PID1: variants seen among roughly 807,000 people sequenced by gnomAD.
PID1 encodes phosphotyrosine interaction domain containing 1, also known as PTB-containing, cubilin and LRP1-interacting protein.
A neutral mutation model predicts 19.1 loss-of-function variants in PID1; 10 were observed. The ratio of observed to expected loss-of-function variants is 0.52; its 90% confidence interval spans 0.32 to 0.89. PID1 has a LOEUF of 0.89. PID1 is among the 40% of genes least tolerant of loss of function. The pLI is 0.03. For synonymous variants in PID1, 130 were observed against 116.0 expected (o/e 1.12, Z -0.78); for missense variants, 248 against 285.3 (o/e 0.87, Z 0.94).
chr2:229,243,585 AAATG>A (rs1274007201), intron 1 of PID1, among the ~76,000 whole-genome samples: 2 of 152,146 alleles, frequency 1.3e-5, no homozygotes, highest in Non-Finnish European at 2.9e-5. Context: ...TTGAATTAAT[AAATG>A]AATATCACCT....
intron 1 of PID1, among the ~76,000 whole-genome samples, chr2:229,248,401 CATT>C (rs1165270354): frequency 1.3e-5 from 2 of 152,174 alleles, no homozygotes; most frequent in Admixed American, 6.5e-5. Flanking sequence ...TGGTTTGCCT[CATT>C]ATGGGTGATG....
intron 2 of PID1, among the ~76,000 whole-genome samples, chr2:229,100,933 C>T (rs2106227933): frequency 6.6e-6 from 1 of 152,292 alleles, no homozygotes; most frequent in African/African-American, 2.4e-5. Flanking sequence ...CTTAAAAAAC[C>T]CACTGAACTA....
intron 2 of PID1, among the ~76,000 whole-genome samples, chr2:229,151,287 G>C (rs558020479): frequency 1.1e-4 from 17 of 152,232 alleles, no homozygotes; most frequent in East Asian, 3.9e-4. Context: ...AATCCGGTGG[G>C]GGGGAGCACA....
intron 2 of PID1, among the ~76,000 whole-genome samples, chr2:229,106,805 A>G (rs1434142670): frequency 6.6e-6 from 1 of 152,194 alleles, no homozygotes; most frequent in East Asian, 1.9e-4. Flanking sequence ...ACCAGTCTTG[A>G]TATTCTGGAT....
At chr2:229,168,039 T>C (rs1690638050) in intron 1 of PID1, among the ~76,000 whole-genome samples, 1 of 152,228 alleles carries the variant, frequency 6.6e-6, no homozygotes, top group Non-Finnish European at 1.5e-5. Context: ...GTTATAATTC[T>C]TAATTTTGTT....
At chr2:229,266,987 G>C (rs773807497) in intron 1 of PID1, among the ~76,000 whole-genome samples, 14 of 152,260 alleles carry the variant, frequency 9.2e-5, no homozygotes, top group Non-Finnish European at 1.9e-4. Flanking sequence ...TCACTTCTCA[G>C]GGGAAAAGTG....
rs575592958 is a variant in PID1, at chr2:229,258,061, T to C, written c.30+12953A>G. Among the ~76,000 whole-genome samples the C allele has an allele frequency of 1.1e-4, 17 of 152,316 alleles. No individual in the cohort carries two copies. The South Asian group carries it at 2.5e-3, about 22-fold the overall frequency. On this transcript the variant is annotated intron_variant, in intron 1 of 2. Coordinates refer to ENST00000392055, the MANE Select transcript of PID1 (RefSeq NM_001100818.2). The stretch of plus-strand genomic sequence containing the variant: ...TTACCCTTTCAACAGCAATATCTCC[T>C]GAGTCTACTGGCCATGGAGGCTGGA...
intron 2 of PID1, among the ~76,000 whole-genome samples, chr2:229,108,871 G>A (rs1393413866): frequency 1.3e-5 from 2 of 152,140 alleles, no homozygotes; most frequent in Non-Finnish European, 2.9e-5. Flanking sequence ...TCTCTCATAA[G>A]CCAGGCTCAA....
chr2:229,147,417 CA>C (rs1383559735), intron 2 of PID1, among the ~76,000 whole-genome samples: 3 of 151,958 alleles, frequency 2.0e-5, no homozygotes, highest in African/African-American at 7.2e-5. Flanking sequence ...GTAGGAAAAT[CA>C]AAAGTGTATC....
rs566053899 is a variant in PID1, at chr2:229,116,770, T to C, written c.177+39048A>G. 2.8e-3 allele frequency among the ~76,000 whole-genome samples: 420 copies of C among 152,302 alleles called. 1 individual carries two copies. Among genetic ancestry groups the C allele is most frequent in the African/African-American group, 9.6e-3 (401 of 41,572 alleles). ...CCAGTCTTGGGTATGTCTTTATTAG[T>C]TGTATGAGAACAGACTAATACAGTT... On this transcript the variant is annotated intron_variant, in intron 2 of 2. Transcript: ENST00000392055.
chr2:229,125,715 T>C (rs942781303), intron 2 of PID1, among the ~76,000 whole-genome samples: 2 of 152,186 alleles, frequency 1.3e-5, no homozygotes, highest in African/African-American at 4.8e-5. Flanking sequence ...CTGAAAATCT[T>C]CCCATTCCTT....
intron 2 of PID1, among the ~76,000 whole-genome samples, chr2:229,057,987 G>A (rs985927296): frequency 6.6e-6 from 1 of 152,184 alleles, no homozygotes; most frequent in Non-Finnish European, 1.5e-5. Flanking sequence ...GAAATGCAAA[G>A]CCTTTCTTCC....
chr2:229,232,431 CAAAAAAAAAAAAA>C (rs386392861), intron 1 of PID1, among the ~76,000 whole-genome samples: 4 of 41,354 alleles, frequency 9.7e-5, no homozygotes, highest in Admixed American at 4.9e-4. Flanking sequence ...GACTCCATCT[CAAAAAAAAAAAAA>C]AAAAAAAAAA....
chr2:229,192,260 T>C (rs1691276504), intron 1 of PID1, among the ~76,000 whole-genome samples: 1 of 152,172 alleles, frequency 6.6e-6, no homozygotes, highest in African/African-American at 2.4e-5. Flanking sequence ...TTAAAATATG[T>C]GTCAACTGTT....
At chr2:229,246,593 T>C (rs186260547) in intron 1 of PID1, among the ~76,000 whole-genome samples, 2 of 152,224 alleles carry the variant, frequency 1.3e-5, no homozygotes, top group East Asian at 1.9e-4. Context: ...TGGCAATAAA[T>C]AGTTGCAGAG....
At chr2:229,140,164 C>A (rs1329039003) in intron 2 of PID1, among the ~76,000 whole-genome samples, 1 of 152,126 alleles carries the variant, frequency 6.6e-6, no homozygotes, top group Middle Eastern at 3.2e-3. Context: ...ATTAAAATTT[C>A]TATTTATAGT....
At chr2:229,033,034 C>T (rs936189059) in intron 2 of PID1, among the ~76,000 whole-genome samples, 1 of 152,154 alleles carries the variant, frequency 6.6e-6, no homozygotes, top group African/African-American at 2.4e-5. Context: ...CCATTCCCTG[C>T]TCATCTGTGG....
chr2:229,087,666 C>T (rs377756782), intron 2 of PID1, among the ~76,000 whole-genome samples: 1 of 152,224 alleles, frequency 6.6e-6, no homozygotes, highest in African/African-American at 2.4e-5. Context: ...CTCCCTTTCT[C>T]CTTAAACACA....
At chr2:229,134,191 T>C (rs1689806961) in intron 2 of PID1, among the ~76,000 whole-genome samples, 1 of 151,736 alleles carries the variant, frequency 6.6e-6, no homozygotes, top group African/African-American at 2.4e-5. Context: ...GACTGAACTA[T>C]TCCACTAGCA....
Sources: allele counts gnomAD v4.1 joint callset (sites outside exome capture counted in the v4.1 genomes callset), GRCh38; gene constraint gnomAD v4.1.1; transcripts MANE v1.5; gene names NCBI Gene and HGNC (gene_info 2026-07-23, HGNC 2026-07-21).